MALRD1: variants seen among roughly 807,000 people sequenced by gnomAD.
MALRD1 encodes the protein MAM and LDL receptor class A domain containing 1.
In MALRD1, 247 loss-of-function variants were observed where a neutral mutation model predicts 242.1. The observed-to-expected ratio is 1.02, with a 90% CI of 0.92 to 1.13. MALRD1 has a LOEUF of 1.13. MALRD1 is among the 50% of genes most tolerant of loss of function. The probability of loss-of-function intolerance (pLI) is 0.00; values close to 1 mark genes in which losing one functional copy is unlikely to be tolerated. For synonymous variants in MALRD1, 995 were observed against 866.6 expected, an observed-to-expected ratio of 1.15 and a Z score of -2.60; for missense variants, 2,989 against 2,533.1, an observed-to-expected ratio of 1.18 and a Z score of -3.86.
chr10:19,718,965 G>A (rs963545932), intron 38 of MALRD1, among the ~76,000 whole-genome samples: 15 of 150,766 alleles, frequency 9.9e-5, no homozygotes, highest in African/African-American at 2.7e-4. Flanking sequence ...CTTGGAGCTC[G>A]AGGCAACACA....
chr10:19,054,189 C>A (rs1475890138), intron 1 of MALRD1, among the ~76,000 whole-genome samples: 1 of 152,104 alleles, frequency 6.6e-6, no homozygotes, highest in African/African-American at 2.4e-5. Flanking sequence ...TGCTTCTGTG[C>A]TGACTCACAT....
At position 19,301,127 on chromosome 10, in the gene MALRD1, C is replaced by G. The variant is rs549027492; in HGVS notation, c.3419+17946C>G. ...AGATGAAGAAATGTTCATCACTAAT[C>G]ATTAGAGAATTGCAAATCAAAATCA... On this transcript the variant is annotated intron_variant, in intron 21 of 39. Coordinates refer to ENST00000454679, the MANE Select transcript of MALRD1 (RefSeq NM_001142308.3). Among the ~76,000 whole-genome samples, 66 of 152,048 alleles carry G rather than the reference C, an allele frequency of 4.3e-4. No individual in the cohort carries two copies. In the South Asian group the frequency reaches 0.013, roughly 30 times the overall value.
chr10:19,096,431 CAG>C (rs913249555), intron 4 of MALRD1, among the ~76,000 whole-genome samples: 8 of 152,126 alleles, frequency 5.3e-5, no homozygotes, highest in African/African-American at 1.9e-4. Flanking sequence ...GATGTGAAAA[CAG>C]TGTGTTTACC....
In MALRD1 at chr10:19,520,105, G is replaced by A. The variant is rs182864360; in HGVS notation, c.5321-11089G>A. Among the ~76,000 whole-genome samples the A allele has an allele frequency of 2.1e-3, 320 of 152,160 alleles. 1 individual carries two copies. Among genetic ancestry groups the A allele is most frequent in the Middle Eastern group, 6.8e-3 (2 of 294 alleles). On this transcript the variant is annotated intron_variant, in intron 31 of 39. Transcript: ENST00000454679. ...CTCACAACAACCTTGAGTCGTTCAC[G>A]GAAGAGGAAATTGATGCACAGAGAG...
intron 8 of MALRD1, among the ~76,000 whole-genome samples, chr10:19,129,959 TCC>T (rs992882954): frequency 6.6e-6 from 1 of 150,886 alleles, no homozygotes; most frequent in African/African-American, 2.4e-5. Flanking sequence ...TATCTCTATC[TCC>T]CCACACATCC....
At chr10:19,505,286 C>A (rs1353598571) in intron 31 of MALRD1, among the ~76,000 whole-genome samples, 1 of 152,142 alleles carries the variant, frequency 6.6e-6, no homozygotes, top group Non-Finnish European at 1.5e-5. Flanking sequence ...CTCCAGAATT[C>A]CTAGGTTGAA....
intron 38 of MALRD1, among the ~76,000 whole-genome samples, chr10:19,726,647 A>G (rs74752916): frequency 0.017 from 2,617 of 152,272 alleles, 85 homozygotes; most frequent in African/African-American, 0.06. Context: ...TTCATGCAGC[A>G]ATGTTCCCCA....
intron 13 of MALRD1, among the ~76,000 whole-genome samples, chr10:19,172,829 G>A (rs1243003021): frequency 1.3e-5 from 2 of 151,578 alleles, no homozygotes; most frequent in African/African-American, 2.4e-5. Context: ...AAGTTAAGCT[G>A]TCCAAAAAAA....
chr10:19,617,067 A>G (rs1031773266), intron 36 of MALRD1, among the ~76,000 whole-genome samples: 7 of 152,014 alleles, frequency 4.6e-5, no homozygotes, highest in African/African-American at 1.7e-4. Context: ...ATATCAGCTG[A>G]GTAGATAATA....
At chr10:19,555,765 G>C (rs1462843925) in intron 32 of MALRD1, among the ~76,000 whole-genome samples, 1 of 152,118 alleles carries the variant, frequency 6.6e-6, no homozygotes, top group Non-Finnish European at 1.5e-5. Flanking sequence ...CTGGTACTTT[G>C]ATCATTCTTG....
chr10:19,545,727 C>G (rs1045843348), intron 32 of MALRD1, among the ~76,000 whole-genome samples: 4 of 152,158 alleles, frequency 2.6e-5, no homozygotes, highest in Non-Finnish European at 5.9e-5. Flanking sequence ...TTATCTCCTT[C>G]AAGGAAAATT....
At chr10:19,696,617 C>G (rs2131835750) in intron 38 of MALRD1, among the ~76,000 whole-genome samples, 1 of 152,124 alleles carries the variant, frequency 6.6e-6, no homozygotes. Context: ...TCCATTAAGA[C>G]TATCTTGGTC....
At chr10:19,662,949 A>G (rs956702436) in intron 36 of MALRD1, among the ~76,000 whole-genome samples, 2 of 152,166 alleles carry the variant, frequency 1.3e-5, no homozygotes, top group African/African-American at 4.8e-5. Flanking sequence ...TCAGAAAAGG[A>G]GTATACCATA....
chr10:19,605,926 A>G (rs1026313047), intron 34 of MALRD1, among the ~76,000 whole-genome samples: 3 of 152,108 alleles, frequency 2.0e-5, no homozygotes, highest in Non-Finnish European at 2.9e-5. Context: ...ATGTGGTGGA[A>G]GCTCAATATT....
At chr10:19,372,836 C>T (rs1013039666) in intron 26 of MALRD1, among the ~76,000 whole-genome samples, 17 of 152,030 alleles carry the variant, frequency 1.1e-4, no homozygotes, top group African/African-American at 3.1e-4. Flanking sequence ...GTAAATTTAA[C>T]TGGATAAGAG....
intron 14 of MALRD1, among the ~76,000 whole-genome samples, chr10:19,176,366 C>CCTTT (rs1484132630): frequency 3.4e-5 from 3 of 87,296 alleles, no homozygotes; most frequent in African/African-American, 1.3e-4. Flanking sequence ...TTTCTGGGTG[C>CCTTT]TTTTTTTTTT....
chr10:19,270,142 C>T (rs555104645), intron 19 of MALRD1, among the ~76,000 whole-genome samples: 40 of 152,206 alleles, frequency 2.6e-4, no homozygotes, highest in African/African-American at 8.7e-4. Flanking sequence ...CGGTGAAACC[C>T]GGTCTCTACT....
intron 33 of MALRD1, among the ~76,000 whole-genome samples, chr10:19,581,582 G>T (rs1837128787): frequency 6.7e-6 from 1 of 148,392 alleles, no homozygotes; most frequent in Non-Finnish European, 1.5e-5. Context: ...GTATTCCATG[G>T]TGTATATGTG....
chr10:19,186,969 G>C (rs544855610), intron 14 of MALRD1, among the ~76,000 whole-genome samples: 1 of 152,240 alleles, frequency 6.6e-6, no homozygotes, highest in South Asian at 2.1e-4. Context: ...CTGCCTTGCA[G>C]AAACACACCA....
Sources: gnomAD v4.1 joint callset for allele counts (sites outside exome capture counted in the v4.1 genomes callset) on GRCh38, gnomAD v4.1.1 for gene constraint, MANE v1.5 for transcripts, NCBI Gene and HGNC (gene_info 2026-07-23, HGNC 2026-07-21) for gene names.